The following NRG1 variants were observed in gnomAD, a reference collection of about 807,000 sequenced individuals.
The protein encoded by NRG1 is pro-neuregulin-1, membrane-bound isoform.
Under a neutral mutation model 63.8 loss-of-function variants are expected in NRG1, and 18 were observed. The observed-to-expected ratio is 0.28, with a 90% confidence interval of 0.19 to 0.42. The LOEUF (loss-of-function observed/expected upper bound fraction) is 0.42. Ranked by LOEUF, NRG1 falls within the 10% of genes least tolerant of loss-of-function variation. The pLI is 1.00. For synonymous variants in NRG1, 302 were observed against 301.3 expected, an observed-to-expected ratio of 1.00 and a Z score of -0.02; for missense variants, 762 against 814.7, an observed-to-expected ratio of 0.94 and a Z score of 0.79.
rs994830263 is a variant in NRG1, at chr8:31,921,746, T to C, written c.37+282315T>C. 2.0e-5 allele frequency among the ~76,000 whole-genome samples: 3 copies of C among 152,146 alleles called. No individual in the cohort carries two copies. In the South Asian group the frequency reaches 6.2e-4, roughly 32 times the overall value. ...CATTAACAGCTGCTTCCATGAGATG[T>C]TGAGCACTAAAATATGATTGGTGAA... On this transcript the variant is annotated intron_variant, in intron 1 of 10. Transcript: ENST00000519301.
At chr8:32,479,800 T>C (rs1240430861) in intron 1 of NRG1, among the ~76,000 whole-genome samples, 1 of 151,938 alleles carries the variant, frequency 6.6e-6, no homozygotes, top group Non-Finnish European at 1.5e-5. Flanking sequence ...CAGGCATGCA[T>C]CACCATGCCC....
At chr8:32,288,896 G>A (rs1586641744) in intron 1 of NRG1, among the ~76,000 whole-genome samples, 1 of 152,088 alleles carries the variant, frequency 6.6e-6, no homozygotes, top group Non-Finnish European at 1.5e-5. Flanking sequence ...CAGAAAGAGG[G>A]AAAGATCAAT....
chr8:32,053,951 T>G (rs987237475), intron 1 of NRG1, among the ~76,000 whole-genome samples: 5 of 152,206 alleles, frequency 3.3e-5, no homozygotes, highest in African/African-American at 4.8e-5. Context: ...ATTTTCCTGA[T>G]TACAGAAGTA....
chr8:32,741,999 G>C lies in NRG1; in HGVS notation c.633-676G>C, dbSNP rs773935097. On this transcript the variant is annotated intron_variant, in intron 6 of 11. Transcript: ENST00000356819. ...TTTTTTTTTTGCTTACCACATTTTT[G>C]CCCTCTAGGTGCCAACCTGGATTCA... The C allele has an allele frequency of 6.2e-7, 1 of 1,604,098 alleles. No homozygotes were observed. The highest frequency in any genetic ancestry group is 1.7e-5 in the Admixed American group (1 of 58,882).
At chr8:32,671,499 C>G (rs542360091) in intron 5 of NRG1, among the ~76,000 whole-genome samples, 31 of 152,192 alleles carry the variant, frequency 2.0e-4, no homozygotes, top group South Asian at 6.2e-4. Context: ...AATTACATCT[C>G]AAATGGAATA....
At chr8:31,745,306 G>C (rs1815736448) in intron 1 of NRG1, among the ~76,000 whole-genome samples, 2 of 151,910 alleles carry the variant, frequency 1.3e-5, no homozygotes, top group African/African-American at 2.4e-5. Flanking sequence ...CTTGGTTTGA[G>C]GATATCTGAT....
At chr8:31,746,133 G>A (rs967507658) in intron 1 of NRG1, among the ~76,000 whole-genome samples, 3 of 151,818 alleles carry the variant, frequency 2.0e-5, no homozygotes, top group Non-Finnish European at 4.4e-5. Context: ...ATGTGTAGGA[G>A]GAAAAGAGGA....
chr8:32,051,901 G>A (rs573820395), intron 1 of NRG1, among the ~76,000 whole-genome samples: 3 of 152,224 alleles, frequency 2.0e-5, no homozygotes, highest in South Asian at 2.1e-4. Flanking sequence ...TATTTGCAGC[G>A]GGGAGGTGGA....
chr8:31,739,628 G>T (rs1211602577), intron 1 of NRG1, among the ~76,000 whole-genome samples: 1 of 152,036 alleles, frequency 6.6e-6, no homozygotes, highest in East Asian at 1.9e-4. Flanking sequence ...ATGATTTCAT[G>T]GAGACATGGA....
downstream of NRG1, chr8:32,767,969 G>A (rs996020744): frequency 2.6e-5 from 4 of 152,168 alleles, no homozygotes; most frequent in Admixed American, 2.6e-4. Flanking sequence ...ACCTGGGAGT[G>A]TTGCTCAGCA....
chr8:32,589,160 C>T (rs895504465), intron 1 of NRG1, among the ~76,000 whole-genome samples: 2 of 152,182 alleles, frequency 1.3e-5, no homozygotes, highest in African/African-American at 4.8e-5. Context: ...ACAAACTTTC[C>T]CTTTTATAGC....
At chr8:31,841,139 G>T (rs1826164290) in intron 1 of NRG1, among the ~76,000 whole-genome samples, 1 of 151,152 alleles carries the variant, frequency 6.6e-6, no homozygotes, top group African/African-American at 2.4e-5. Context: ...GATCTCAAAA[G>T]AATTACTGAG....
At chr8:32,731,481 C>A (rs564962533) in intron 6 of NRG1, among the ~76,000 whole-genome samples, 3 of 151,106 alleles carry the variant, frequency 2.0e-5, no homozygotes, top group Non-Finnish European at 4.4e-5. Flanking sequence ...GAAAGAAAAT[C>A]TTTGACATCT....
intron 1 of NRG1, among the ~76,000 whole-genome samples, chr8:32,084,787 C>T (rs1019262420): frequency 3.3e-5 from 5 of 152,112 alleles, no homozygotes; most frequent in African/African-American, 7.2e-5. Flanking sequence ...AGTGACAGCC[C>T]TGCTTCAAGG....
At chr8:31,742,441 C>T (rs1050122738) in intron 1 of NRG1, among the ~76,000 whole-genome samples, 1 of 91,276 alleles carries the variant, frequency 1.1e-5, no homozygotes, top group Non-Finnish European at 2.3e-5. Context: ...CAACGACAGA[C>T]AACTTTTTTA....
At chr8:32,761,823 G>C (rs1040065188) in intron 11 of NRG1, among the ~76,000 whole-genome samples, 4 of 151,566 alleles carry the variant, frequency 2.6e-5, no homozygotes, top group Non-Finnish European at 5.9e-5. Flanking sequence ...GGTAGATCAC[G>C]AGGTCAGGAG....
At chr8:31,663,844 G>T (rs1806253447) in intron 1 of NRG1, among the ~76,000 whole-genome samples, 1 of 152,094 alleles carries the variant, frequency 6.6e-6, no homozygotes, top group Non-Finnish European at 1.5e-5. Context: ...CATCAGGGGA[G>T]GAGGGTGCTG....
At chr8:32,564,301 T>G (rs1703623917) in intron 1 of NRG1, among the ~76,000 whole-genome samples, 1 of 152,182 alleles carries the variant, frequency 6.6e-6, no homozygotes, top group Admixed American at 6.5e-5. Context: ...GGCCTAAAAA[T>G]ATATTTAAGT....
intron 1 of NRG1, among the ~76,000 whole-genome samples, chr8:32,342,575 A>T (rs1804208832): frequency 6.6e-6 from 1 of 152,184 alleles, no homozygotes; most frequent in Non-Finnish European, 1.5e-5. Flanking sequence ...TAGATTCTTA[A>T]TGCCAATGCT....
Sources: allele counts gnomAD v4.1 joint callset (sites outside exome capture counted in the v4.1 genomes callset), GRCh38; gene constraint gnomAD v4.1.1; transcripts MANE v1.5; gene names NCBI Gene and HGNC (gene_info 2026-07-23, HGNC 2026-07-21).